The following NCALD variants were observed in gnomAD, a reference collection of about 807,000 sequenced individuals.
The protein encoded by NCALD is neurocalcin delta.
Under a neutral mutation model 18.6 loss-of-function variants are expected in NCALD, and 10 were observed. The ratio of observed to expected loss-of-function variants is 0.54; its 90% CI spans 0.33 to 0.91. The LOEUF is 0.91. NCALD is among the 40% of genes least tolerant of loss of function. The pLI is 0.03. For missense variants in NCALD, 184 were observed against 247.6 expected, an observed-to-expected ratio of 0.74 and a Z score of 1.72; for synonymous variants, 88 against 87.4, an observed-to-expected ratio of 1.01 and a Z score of -0.04.
chr8:101,921,472 AT>A (rs1281494926), intron 2 of NCALD, among the ~76,000 whole-genome samples: 3 of 152,272 alleles, frequency 2.0e-5, no homozygotes, highest in East Asian at 3.9e-4. Context: ...ATTTCTGTAT[AT>A]TTGGTGATGT....
chr8:101,815,486 G>A (rs572558470), intron 4 of NCALD, among the ~76,000 whole-genome samples: 4 of 151,998 alleles, frequency 2.6e-5, no homozygotes, highest in Non-Finnish European at 5.9e-5. Context: ...TTAAAATGTG[G>A]CCCAAAGACT....
intron 3 of NCALD, among the ~76,000 whole-genome samples, chr8:101,899,955 C>A (rs1440026740): frequency 1.3e-5 from 2 of 151,698 alleles, no homozygotes; most frequent in African/African-American, 2.4e-5. Flanking sequence ...ATTAATTATT[C>A]TTTAAATGTC....
chr8:101,910,057 T>C (rs1473925364), intron 3 of NCALD, among the ~76,000 whole-genome samples: 1 of 152,076 alleles, frequency 6.6e-6, no homozygotes. Context: ...TCTTAGAACA[T>C]GATTGCCCTA....
intron 4 of NCALD, among the ~76,000 whole-genome samples, chr8:101,802,898 T>TTA (rs1812922056): frequency 3.4e-4 from 4 of 11,666 alleles, no homozygotes; most frequent in African/African-American, 9.6e-4. Context: ...TTGCTGCTGC[T>TTA]CAAAAAAAAA....
At chr8:101,696,233 C>T (rs1280322722) in intron 2 of NCALD, among the ~76,000 whole-genome samples, 1 of 152,214 alleles carries the variant, frequency 6.6e-6, no homozygotes, top group African/African-American at 2.4e-5. Context: ...GTATAAGCAA[C>T]TAATGTGTAC....
intron 2 of NCALD, among the ~76,000 whole-genome samples, chr8:101,717,688 A>G (rs1816150292): frequency 1.3e-5 from 2 of 151,946 alleles, no homozygotes; most frequent in South Asian, 2.1e-4. Flanking sequence ...CAGCTACAAC[A>G]AAGAAAAGAC....
chr8:101,746,497 C>A (rs180862014), intron 1 of NCALD, among the ~76,000 whole-genome samples: 1 of 152,106 alleles, frequency 6.6e-6, no homozygotes. Flanking sequence ...TCACTTCAGC[C>A]TCTTCAGGAT....
intron 1 of NCALD, among the ~76,000 whole-genome samples, chr8:102,065,136 G>T (rs1360188318): frequency 6.6e-6 from 1 of 151,684 alleles, no homozygotes. Flanking sequence ...AAAGAAGAAA[G>T]AAACAGTTGG....
At chr8:102,072,861 C>T (rs1288529561) in intron 1 of NCALD, among the ~76,000 whole-genome samples, 2 of 152,090 alleles carry the variant, frequency 1.3e-5, no homozygotes, top group African/African-American at 2.4e-5. Context: ...TAGAAAAACA[C>T]TCTCACACAT....
intron 3 of NCALD, chr8:101,915,538 C>A (rs1817944035): frequency 6.6e-6 from 1 of 152,186 alleles, no homozygotes; most frequent in South Asian, 2.1e-4. Flanking sequence ...AAAACTACTC[C>A]ACTGAGTGGT....
intron 4 of NCALD, among the ~76,000 whole-genome samples, chr8:101,830,464 G>A (rs1050128334): frequency 6.6e-6 from 1 of 151,952 alleles, no homozygotes; most frequent in Admixed American, 6.6e-5. Context: ...GGGAGGCTGA[G>A]GCAGGAGAAT....
rs935719315 is a variant in NCALD, at chr8:101,757,533, T to A, written c.-20+33329A>T. 2.0e-4 allele frequency among the ~76,000 whole-genome samples: 30 copies of A among 152,206 alleles called. 1 individual carries two copies. On this transcript the variant is annotated intron_variant, in intron 1 of 3. Transcript: ENST00000220931. ...AGAAGAGCAAGAAGAAAAATGGCTG[T>A]CATTCTTTTTATTCCCAGGTCTAAT...
chr8:101,796,582 A>C (rs1175095309), intron 4 of NCALD, among the ~76,000 whole-genome samples: 2 of 152,172 alleles, frequency 1.3e-5, no homozygotes, highest in South Asian at 4.1e-4. Context: ...AACATACACA[A>C]AAAAAGAAAA....
chr8:101,906,334 C>A (rs1478398998), intron 3 of NCALD, among the ~76,000 whole-genome samples: 1 of 152,156 alleles, frequency 6.6e-6, no homozygotes, highest in African/African-American at 2.4e-5. Context: ...GATCCAAGAA[C>A]ATCTGAGTGC....
chr8:102,118,476 T>G (rs546149136), intron 1 of NCALD, among the ~76,000 whole-genome samples: 1 of 152,364 alleles, frequency 6.6e-6, no homozygotes, highest in East Asian at 1.9e-4. Context: ...AGGAGGAATC[T>G]TTCATAGGAT....
At chr8:101,894,667 A>T (rs919045370) in intron 3 of NCALD, among the ~76,000 whole-genome samples, 2 of 150,910 alleles carry the variant, frequency 1.3e-5, no homozygotes, top group Non-Finnish European at 2.9e-5. Flanking sequence ...ACAATAAAAA[A>T]TGATAAAGGG....
intron 1 of NCALD, among the ~76,000 whole-genome samples, chr8:102,121,526 G>A (rs1825944508): frequency 6.6e-6 from 1 of 152,052 alleles, no homozygotes; most frequent in African/African-American, 2.4e-5. Flanking sequence ...ACATTCTGAG[G>A]GATGCTATAC....
At chr8:101,980,237 A>G (rs1341957452) in intron 2 of NCALD, among the ~76,000 whole-genome samples, 1 of 152,202 alleles carries the variant, frequency 6.6e-6, no homozygotes, top group Non-Finnish European at 1.5e-5. Flanking sequence ...TGCCCACTCA[A>G]CAAGGAAAAG....
At position 101,770,245 on chromosome 8, in the gene NCALD, G is replaced by C. The variant is rs953909716; in HGVS notation, c.-20+20617C>G. ...TTTCATGCAGGTACTAGACTGGTTTGAAGAGCTAAGGAACATTAGTTGGTT... is the reference window on the plus strand; with the variant it reads ...TTTCATGCAGGTACTAGACTGGTTTCAAGAGCTAAGGAACATTAGTTGGTT... On this transcript the variant is annotated intron_variant, in intron 1 of 3. Coordinates refer to ENST00000220931, the MANE Select transcript of NCALD (RefSeq NM_032041.3). Among the ~76,000 whole-genome samples the C allele has an allele frequency of 2.8e-4, 42 of 152,140 alleles. 1 individual carries two copies. The highest frequency in any genetic ancestry group is 6.5e-5 in the Admixed American group (1 of 15,276).
Sources: gnomAD v4.1 joint callset for allele counts (sites outside exome capture counted in the v4.1 genomes callset) on GRCh38, gnomAD v4.1.1 for gene constraint, MANE v1.5 for transcripts, NCBI Gene and HGNC (gene_info 2026-07-23, HGNC 2026-07-21) for gene names.